NCKAP5: variants seen among roughly 807,000 people sequenced by gnomAD.
NCKAP5 encodes NCK associated protein 5.
NCKAP5 carries 92 observed loss-of-function variants against 167.0 expected under a neutral mutation model. That is an observed-to-expected ratio of 0.55 (90% confidence interval 0.47 to 0.66). NCKAP5 has a LOEUF of 0.66. Ranked by LOEUF, NCKAP5 falls within the 30% of genes least tolerant of loss-of-function variation. The pLI, the probability that NCKAP5 is intolerant of heterozygous loss-of-function variation, is 0.00. For synonymous variants in NCKAP5, 891 were observed against 877.4 expected (o/e 1.02, Z -0.27); for missense variants, 2,378 against 2,315.0 (o/e 1.03, Z -0.56).
rs532492506 is a variant in NCKAP5, at chr2:133,175,435, G to A, written c.207+38281C>T. ...AGAACGTTTTTCTGTACTAGGATTAGAGAGGAATCCAGCTATGTTTTCTTT... is the reference window on the plus strand; with the variant it reads ...AGAACGTTTTTCTGTACTAGGATTAAAGAGGAATCCAGCTATGTTTTCTTT... On this transcript the variant is annotated intron_variant, in intron 5 of 19. Coordinates refer to ENST00000409261, the MANE Select transcript of NCKAP5 (RefSeq NM_207363.3). Among the ~76,000 whole-genome samples, 4 of 152,248 alleles carry A rather than the reference G, an allele frequency of 2.6e-5. No individual in the cohort carries two copies. The East Asian group carries it at 7.7e-4, about 29-fold the overall frequency.
At chr2:132,904,691 C>A (rs1010157137) in intron 8 of NCKAP5, among the ~76,000 whole-genome samples, 1 of 152,180 alleles carries the variant, frequency 6.6e-6, no homozygotes, top group Non-Finnish European at 1.5e-5. Context: ...CAATTTTGTA[C>A]ACAAAATATC....
chr2:133,408,890 A>T (rs1392465141), intron 3 of NCKAP5, among the ~76,000 whole-genome samples: 1 of 152,208 alleles, frequency 6.6e-6, no homozygotes, highest in Non-Finnish European at 1.5e-5. Flanking sequence ...AGCAGACCCC[A>T]GCCCATCCTG....
rs72996838 is a variant in NCKAP5, at chr2:133,020,540, G to A, written c.342-26301C>T. ...AGAAACTTTGGGGTTCAGGGGAAGT[G>A]GTTTCACAGTAGCATCCACAGAGGA... is the stretch of plus-strand genomic sequence containing the variant. On this transcript the variant is annotated intron_variant, in intron 6 of 19. Coordinates refer to ENST00000409261, the MANE Select transcript of NCKAP5 (RefSeq NM_207363.3). Among the ~76,000 whole-genome samples the A allele has an allele frequency of 9.4e-3, 1,437 of 152,338 alleles. 25 individuals carry two copies. The highest frequency in any genetic ancestry group is 0.031 in the African/African-American group (1,308 of 41,574).
At chr2:132,795,054 A>G (rs1457754161) in intron 12 of NCKAP5, among the ~76,000 whole-genome samples, 2 of 152,180 alleles carry the variant, frequency 1.3e-5, no homozygotes, top group African/African-American at 4.8e-5. Flanking sequence ...GTGTTATCTC[A>G]TTTAATCCTC....
At chr2:132,928,958 C>CCAAAACAAAA (rs71398578) in intron 8 of NCKAP5, among the ~76,000 whole-genome samples, 1,649 of 148,692 alleles carry the variant, frequency 0.011, 24 homozygotes, top group African/African-American at 0.023. Flanking sequence ...CCCTTCTCTA[C>CCAAAACAAAA]CAAAACAAAA....
intron 6 of NCKAP5, among the ~76,000 whole-genome samples, chr2:133,005,267 T>C (rs922699033): frequency 2.0e-5 from 3 of 152,194 alleles, no homozygotes; most frequent in African/African-American, 4.8e-5. Flanking sequence ...GAGATTGCCA[T>C]AAAGACAGGT....
At chr2:133,409,132 C>T (rs972353512) in intron 3 of NCKAP5, among the ~76,000 whole-genome samples, 1 of 152,182 alleles carries the variant, frequency 6.6e-6, no homozygotes, top group African/African-American at 2.4e-5. Flanking sequence ...TTCTTTTTGG[C>T]AGATACTGAA....
intron 19 of NCKAP5, among the ~76,000 whole-genome samples, chr2:132,688,868 C>T (rs1686325839): frequency 6.6e-6 from 1 of 151,502 alleles, no homozygotes; most frequent in Non-Finnish European, 1.5e-5. Flanking sequence ...CACCTGTGGT[C>T]CCACCTACTT....
chr2:133,366,690 A>G (rs1685478064), intron 3 of NCKAP5, among the ~76,000 whole-genome samples: 2 of 152,218 alleles, frequency 1.3e-5, no homozygotes, highest in African/African-American at 4.8e-5. Context: ...ATAATGTGCC[A>G]GAAAAATTAT....
At chr2:133,646,956 C>CA in the NCKAP5 span, among the ~76,000 whole-genome samples, 9 of 149,398 alleles carry the variant, frequency 6.0e-5, no homozygotes, top group African/African-American at 2.0e-4. Context: ...AAGGTAACCG[C>CA]AAAAAAATAC....
chr2:133,450,097 A>G (rs1401821182), intron 3 of NCKAP5, among the ~76,000 whole-genome samples: 1 of 152,240 alleles, frequency 6.6e-6, no homozygotes, highest in African/African-American at 2.4e-5. Context: ...AATACAGGCC[A>G]AGTTGAATTC....
intron 2 of NCKAP5, among the ~76,000 whole-genome samples, chr2:133,531,240 A>C (rs1685338036): frequency 6.6e-6 from 1 of 152,098 alleles, no homozygotes; most frequent in Admixed American, 6.5e-5. Flanking sequence ...ATATTTTATT[A>C]ATAACTTATT....
At chr2:133,461,983 T>C (rs900589413) in intron 3 of NCKAP5, among the ~76,000 whole-genome samples, 1 of 152,246 alleles carries the variant, frequency 6.6e-6, no homozygotes, top group African/African-American at 2.4e-5. Context: ...CATGAGTTCA[T>C]GTTTATGTTC....
chr2:133,042,093 T>C (rs1382516839), intron 6 of NCKAP5, among the ~76,000 whole-genome samples: 2 of 152,166 alleles, frequency 1.3e-5, no homozygotes, highest in African/African-American at 4.8e-5. Context: ...TATCATCAAT[T>C]TTTATTATGC....
chr2:133,501,295 A>T (rs1441966403), intron 3 of NCKAP5, among the ~76,000 whole-genome samples: 1 of 152,214 alleles, frequency 6.6e-6, no homozygotes, highest in Non-Finnish European at 1.5e-5. Flanking sequence ...AACTACAAAT[A>T]CATTGTCCTG....
intron 19 of NCKAP5, among the ~76,000 whole-genome samples, chr2:132,695,924 AT>A (rs1306117095): frequency 6.6e-6 from 1 of 152,162 alleles, no homozygotes; most frequent in Non-Finnish European, 1.5e-5. Context: ...AGCTTTGTTG[AT>A]TATTTTTCTT....
intron 16 of NCKAP5, among the ~76,000 whole-genome samples, chr2:132,754,850 A>G (rs1680403100): frequency 6.6e-6 from 1 of 152,232 alleles, no homozygotes; most frequent in Non-Finnish European, 1.5e-5. Flanking sequence ...TTGAGGCAAG[A>G]TATTAGAGTG....
chr2:132,687,513 C>A (rs932938828), intron 19 of NCKAP5, among the ~76,000 whole-genome samples: 1 of 152,048 alleles, frequency 6.6e-6, no homozygotes, highest in Non-Finnish European at 1.5e-5. Flanking sequence ...ATCTATAGTT[C>A]TCTAAAGTGA....
chr2:133,250,367 C>T (rs1419901221), intron 4 of NCKAP5, among the ~76,000 whole-genome samples: 1 of 152,156 alleles, frequency 6.6e-6, no homozygotes, highest in Non-Finnish European at 1.5e-5. Context: ...GCTCAGCCCT[C>T]TGCCTCACCC....
Sources: gnomAD v4.1 joint callset for allele counts (sites outside exome capture counted in the v4.1 genomes callset) on GRCh38, gnomAD v4.1.1 for gene constraint, MANE v1.5 for transcripts, NCBI Gene and HGNC (gene_info 2026-07-23, HGNC 2026-07-21) for gene names.